LHCGR: variants seen among roughly 807,000 people sequenced by gnomAD.
The protein encoded by LHCGR is luteinizing hormone/choriogonadotropin receptor.
A neutral mutation model predicts 60.7 loss-of-function variants in LHCGR; 55 were observed. That is an observed-to-expected ratio of 0.91 (90% CI 0.73 to 1.13). The LOEUF is 1.13. LHCGR is among the 50% of genes most tolerant of loss of function. The pLI is 0.00. For synonymous variants in LHCGR, 337 were observed against 316.5 expected, an observed-to-expected ratio of 1.06 and a Z score of -0.69; for missense variants, 862 against 836.0, an observed-to-expected ratio of 1.03 and a Z score of -0.38.
intron 1 of LHCGR, among the ~76,000 whole-genome samples, chr2:48,747,330 G>T (rs1198404775): frequency 6.6e-6 from 1 of 152,134 alleles, no homozygotes; most frequent in Non-Finnish European, 1.5e-5. Context: ...GACCTCAAGT[G>T]ATCCACCTAC....
intron 8 of LHCGR, among the ~76,000 whole-genome samples, chr2:48,705,197 G>A (rs962101991): frequency 6.6e-6 from 1 of 152,198 alleles, no homozygotes; most frequent in African/African-American, 2.4e-5. Context: ...TAGTTGTGCG[G>A]TTTTGAGTGA....
At chr2:48,724,959 G>C (rs1668655215) in intron 4 of LHCGR, among the ~76,000 whole-genome samples, 1 of 152,132 alleles carries the variant, frequency 6.6e-6, no homozygotes, top group African/African-American at 2.4e-5. Context: ...AGGAGTTTAT[G>C]AAATTTAAAG....
chr2:48,702,128 A>G (rs1667439858), intron 8 of LHCGR, among the ~76,000 whole-genome samples: 1 of 152,130 alleles, frequency 6.6e-6, no homozygotes, highest in Non-Finnish European at 1.5e-5. Flanking sequence ...GCAGCACAGT[A>G]TCTGGAACTC....
intron 1 of LHCGR, among the ~76,000 whole-genome samples, chr2:48,747,928 A>G (rs894319110): frequency 1.3e-5 from 2 of 152,166 alleles, no homozygotes; most frequent in African/African-American, 4.8e-5. Context: ...AGAGGACCGA[A>G]GGCTTTGAAT....
intron 1 of LHCGR, among the ~76,000 whole-genome samples, chr2:48,746,484 T>A (rs1484342554): frequency 6.6e-6 from 1 of 152,252 alleles, no homozygotes; most frequent in Non-Finnish European, 1.5e-5. Flanking sequence ...GATTTTGCAT[T>A]TGAGCATTGA....
At position 48,755,514 on chromosome 2, in the gene LHCGR, CGAGTGAGA is replaced by C; in HGVS notation, c.150_157del (p.Leu51ThrfsTer20). ...GACGGGAGCGCTGTGTACTCACAGT[CGAGTGAGA>C]CCGGCCGTGGGGCCGGGGCAGCGCA... On this transcript the variant is annotated frameshift_variant, in exon 1 of 11. Coordinates refer to ENST00000294954, the MANE Select transcript of LHCGR (RefSeq NM_000233.4). LOFTEE classifies it high-confidence loss of function. 1 of 1,538,686 alleles carries C rather than the reference CGAGTGAGA, an allele frequency of 6.5e-7. No individual in the cohort carries two copies. The highest frequency in any genetic ancestry group is 8.8e-7 in the Non-Finnish European group (1 of 1,141,048).
At chr2:48,704,774 C>G (rs754839777) in intron 8 of LHCGR, among the ~76,000 whole-genome samples, 2 of 151,908 alleles carry the variant, frequency 1.3e-5, no homozygotes, top group Non-Finnish European at 2.9e-5. Context: ...TTTGATTCTT[C>G]TCTCTTTTCT....
Position 48,723,638 on chromosome 2 carries a change from C to T in LHCGR, c.442G>A (p.Glu148Lys). Reference protein sequence around the residue: ...FPDVTKVFSSESNFILEICDN... With the variant: ...FPDVTKVFSSKSNFILEICDN... Reference sequence around the variant, plus strand: ...GGTACTTACAGAATGAAATTTGATTCAGAGGAGAAGACCTTCGTAACATCT... The same window carrying T: ...GGTACTTACAGAATGAAATTTGATTTAGAGGAGAAGACCTTCGTAACATCT... The change falls in exon 5 of 11, where the codon GAA becomes AAA. Residue 148 changes from glutamate (E) to lysine (K), a missense_variant. Physicochemically the swap from Glu to Lys is moderately conservative, Grantham distance 56 (BLOSUM62 1). Transcript: ENST00000294954. 1 of 1,613,724 alleles carries T rather than the reference C, an allele frequency of 6.2e-7. No homozygotes were observed. The highest frequency in any genetic ancestry group is 8.5e-7 in the Non-Finnish European group (1 of 1,179,686).
chr2:48,695,654 G>A (rs1667082247), intron 9 of LHCGR, among the ~76,000 whole-genome samples: 2 of 152,108 alleles, frequency 1.3e-5, no homozygotes, highest in African/African-American at 2.4e-5. Flanking sequence ...ATCAACCTGG[G>A]TGCCTGGATT....
rs1266628357 is a variant in LHCGR, at chr2:48,687,515, A to G, written c.*182T>C. 9 of 553,566 alleles carry G rather than the reference A, an allele frequency of 1.6e-5. No homozygotes were observed. The highest frequency in any genetic ancestry group is 8.5e-5 in the East Asian group (3 of 35,498). 34.3% of individuals were successfully genotyped at this position (553,566 alleles called of 1,614,324 possible). On this transcript the variant is annotated 3_prime_UTR_variant, in exon 11 of 11. Transcript: ENST00000294954. ...GTATTTATGCCATGTAACAATGACA[A>G]ATAGTTTTTAGTGTGGCAGTGGTCA...
chr2:48,704,203 A>G (rs1477637205), intron 8 of LHCGR, among the ~76,000 whole-genome samples: 1 of 152,122 alleles, frequency 6.6e-6, no homozygotes, highest in Non-Finnish European at 1.5e-5. Context: ...ATTGATTTGC[A>G]TATGTTGAAC....
At chr2:48,724,331 G>A (rs928126253) in intron 4 of LHCGR, among the ~76,000 whole-genome samples, 1 of 152,184 alleles carries the variant, frequency 6.6e-6, no homozygotes, top group African/African-American at 2.4e-5. Flanking sequence ...TGAAATTGAA[G>A]AGTATTTTAT....
At chr2:48,738,094 G>C (rs764196642) in intron 1 of LHCGR, among the ~76,000 whole-genome samples, 2 of 152,306 alleles carry the variant, frequency 1.3e-5, no homozygotes, top group Admixed American at 1.3e-4. Context: ...CTCCTGAAAA[G>C]AGCCATCAGC....
At chr2:48,738,864 T>C (rs1180797256) in intron 1 of LHCGR, among the ~76,000 whole-genome samples, 9 of 152,262 alleles carry the variant, frequency 5.9e-5, no homozygotes, top group Admixed American at 1.3e-4. Flanking sequence ...TCAAGTTAAT[T>C]TCACATTTTG....
At chr2:48,713,490 A>C (rs7560509) in intron 7 of LHCGR, among the ~76,000 whole-genome samples, 7,290 of 152,208 alleles carry the variant, frequency 0.048, 243 homozygotes, top group Middle Eastern at 0.11. Context: ...AGAACTGGGT[A>C]GGGTGTGGTG....
At chr2:48,710,014 A>T (rs1667901620) in intron 7 of LHCGR, among the ~76,000 whole-genome samples, 1 of 152,190 alleles carries the variant, frequency 6.6e-6, no homozygotes, top group Non-Finnish European at 1.5e-5. Flanking sequence ...AAGCGTGGGA[A>T]CATGATTCTC....
intron 1 of LHCGR, chr2:48,732,989 C>T (rs1452820469): frequency 2.0e-6 from 1 of 510,406 alleles, no homozygotes; most frequent in Non-Finnish European, 4.1e-6. Flanking sequence ...CTTGTGATGG[C>T]ATATTTGCTT....
At chr2:48,726,623 C>T (rs1668741066) in intron 3 of LHCGR, among the ~76,000 whole-genome samples, 1 of 152,200 alleles carries the variant, frequency 6.6e-6, no homozygotes, top group Non-Finnish European at 1.5e-5. Flanking sequence ...AGGTGACAGC[C>T]ACCTGAGGAA....
intron 1 of LHCGR, among the ~76,000 whole-genome samples, chr2:48,747,662 C>T (rs754384056): frequency 1.3e-5 from 2 of 152,196 alleles, no homozygotes; most frequent in Non-Finnish European, 2.9e-5. Flanking sequence ...GAACCGACTC[C>T]TTGTAAATCT....
Sources: gnomAD v4.1 joint callset for allele counts (sites outside exome capture counted in the v4.1 genomes callset) on GRCh38, gnomAD v4.1.1 for gene constraint, MANE v1.5 for transcripts, NCBI Gene and HGNC (gene_info 2026-07-23, HGNC 2026-07-21) for gene names.